The following ANKS1A variants were observed in gnomAD, a reference collection of about 807,000 sequenced individuals.
ANKS1A encodes the protein ankyrin repeat and sterile alpha motif domain containing 1A.
Under a neutral mutation model 120.3 loss-of-function variants are expected in ANKS1A, and 55 were observed. That is an observed-to-expected ratio of 0.46 (90% CI 0.37 to 0.57). ANKS1A has a LOEUF of 0.57. Among genes scored for constraint, ANKS1A ranks in the 20% least tolerant of loss-of-function variants. The pLI is 0.00. For missense variants in ANKS1A, 1,123 were observed against 1,480.3 expected (o/e 0.76, Z 3.96); for synonymous variants, 590 against 604.7 (o/e 0.98, Z 0.36).
chr6:35,039,735 A>G (rs1775362544), intron 11 of ANKS1A: 1 of 418,084 alleles, frequency 2.4e-6, no homozygotes, highest in South Asian at 1.7e-5. Flanking sequence ...GAGAAAGGTC[A>G]TTTTTCCCAG....
At chr6:34,950,207 G>GT (rs1770003607) in intron 1 of ANKS1A, among the ~76,000 whole-genome samples, 1 of 145,598 alleles carries the variant, frequency 6.9e-6, no homozygotes, top group Non-Finnish European at 1.5e-5. Context: ...TAAGGAAGAG[G>GT]TTTTTCTTTT....
intron 1 of ANKS1A, among the ~76,000 whole-genome samples, chr6:34,905,300 A>G (rs1243245083): frequency 2.6e-5 from 4 of 152,188 alleles, no homozygotes; most frequent in African/African-American, 7.2e-5. Context: ...TTTGTCCTCA[A>G]TGGGGCCAGC....
rs72898264 is a variant in ANKS1A, at chr6:35,084,890, G to A, written c.3132+632G>A. Among the ~76,000 whole-genome samples, 4,303 of 152,250 alleles carry A rather than the reference G, an allele frequency of 0.028. 123 individuals carry two copies. Among genetic ancestry groups the A allele is most frequent in the Non-Finnish European group, 0.045 (3,070 of 68,008 alleles). ...AGACCAGAACTGACAGCCCACAGGC[G>A]GGGGTTCCCTCTAACCTGCAACAAA... On this transcript the variant is annotated intron_variant, in intron 21 of 23. Coordinates refer to ENST00000360359, the MANE Select transcript of ANKS1A (RefSeq NM_015245.3). This position sits in a 1 kb window ranked among gnomAD's most constrained non-coding sequence, Gnocchi z 4.8.
chr6:35,083,026 G>A (rs368323132), intron 18 of ANKS1A, 129 bp from the exon 19 acceptor site: 2 of 1,291,166 alleles, frequency 1.5e-6, no homozygotes, highest in Non-Finnish European at 1.1e-6. Context: ...CTCTCCAGCT[G>A]GGGCAGGAGA....
At chr6:34,927,212 C>G (rs1171289205) in intron 1 of ANKS1A, among the ~76,000 whole-genome samples, 1 of 151,528 alleles carries the variant, frequency 6.6e-6, no homozygotes, top group Non-Finnish European at 1.5e-5. Context: ...GATGTGTGGT[C>G]AGGAGAGGCT....
intron 9 of ANKS1A, among the ~76,000 whole-genome samples, chr6:34,991,924 C>T (rs1344750813): frequency 6.6e-6 from 1 of 150,572 alleles, no homozygotes; most frequent in Non-Finnish European, 1.5e-5. Flanking sequence ...CAGTTATTGC[C>T]GTATTGACTA....
rs138817268 is a variant in ANKS1A at position 35,029,482 on chromosome 6, G to A, written c.2010+11423G>A. On this transcript the variant is annotated intron_variant, in intron 11 of 23. Transcript: ENST00000360359. ...TCCTGCCTCAGCCTCCTGAGTAGCT[G>A]GGATTACAGGCACCTGCCACCACGC... Among the ~76,000 whole-genome samples the A allele has an allele frequency of 3.4e-4, 51 of 150,992 alleles. No individual in the cohort carries two copies. In the East Asian group the frequency reaches 9.3e-3, roughly 28 times the overall value.
At chr6:35,004,609 T>C (rs1414260359) in intron 10 of ANKS1A, among the ~76,000 whole-genome samples, 1 of 152,162 alleles carries the variant, frequency 6.6e-6, no homozygotes. Flanking sequence ...TCATAGTTGC[T>C]AGAGGTGATC....
chr6:34,936,984 C>CT (rs1419224434), intron 1 of ANKS1A, among the ~76,000 whole-genome samples: 1 of 152,144 alleles, frequency 6.6e-6, no homozygotes, highest in Non-Finnish European at 1.5e-5. Context: ...TCTCAAGAGG[C>CT]TTAGAGTCTA....
At chr6:34,950,015 C>T (rs557313226) in intron 1 of ANKS1A, among the ~76,000 whole-genome samples, 1 of 152,186 alleles carries the variant, frequency 6.6e-6, no homozygotes, top group Non-Finnish European at 1.5e-5. Flanking sequence ...TGGACTAGAT[C>T]TGGCTTCACT....
intron 8 of ANKS1A, among the ~76,000 whole-genome samples, chr6:34,988,686 G>T (rs1214567340): frequency 6.6e-6 from 1 of 152,192 alleles, no homozygotes; most frequent in African/African-American, 2.4e-5. Flanking sequence ...AAGAGAACAG[G>T]TTGAGCTTTT....
rs755616450 is a variant in ANKS1A, at chr6:35,086,973, C to A, written c.3325C>A (p.Gln1109Lys). Reference protein sequence around the residue: ...KSALEPPDMDQDAQSHASVSW... With the variant: ...KSALEPPDMDKDAQSHASVSW... ...GCAGCTGGAACCACCTGATATGGAC[C>A]AAGATGCCCAATCCCATGCCAGTGT... is the stretch of plus-strand genomic sequence containing the variant. Residue 1109 changes from glutamine to lysine, a missense_variant, in exon 23 of 24, where the codon CAA becomes AAA. Gln to Lys is a moderately conservative substitution (Grantham distance 53, BLOSUM62 1). Around this residue, in one of 3 missense-constraint regions of ANKS1A, gnomAD observed 904 missense variants for 1,130.4 expected, o/e 0.80. Transcript: ENST00000360359. The surrounding 1 kb of genome is among the most constrained non-coding windows in gnomAD (Gnocchi z 5.1). 8.1e-6 allele frequency: 13 copies of A among 1,614,162 alleles called. No homozygotes were observed. Among genetic ancestry groups the A allele is most frequent in the Non-Finnish European group, 1.0e-5 (12 of 1,179,996 alleles).
At chr6:34,904,935 T>C (rs1227171900) in intron 1 of ANKS1A, among the ~76,000 whole-genome samples, 1 of 152,158 alleles carries the variant, frequency 6.6e-6, no homozygotes, top group African/African-American at 2.4e-5. Flanking sequence ...CTCCGCCTCC[T>C]GAGTAGCTGG....
intron 1 of ANKS1A, among the ~76,000 whole-genome samples, chr6:34,942,188 ACTT>A (rs1209672946): frequency 6.6e-6 from 1 of 152,202 alleles, no homozygotes; most frequent in Non-Finnish European, 1.5e-5. Flanking sequence ...CAATTAAACT[ACTT>A]GTTTCTTTTG....
chr6:34,975,263 G>A (rs1432380315), intron 3 of ANKS1A, among the ~76,000 whole-genome samples: 1 of 151,880 alleles, frequency 6.6e-6, no homozygotes, highest in African/African-American at 2.4e-5. Context: ...AGACCAGCCT[G>A]GCCAACATGG....
At chr6:34,914,028 C>T (rs1389029121) in intron 1 of ANKS1A, among the ~76,000 whole-genome samples, 2 of 152,162 alleles carry the variant, frequency 1.3e-5, no homozygotes, top group Non-Finnish European at 2.9e-5. Context: ...TGTCATTCTC[C>T]CGCCTCAGCC....
intron 11 of ANKS1A, among the ~76,000 whole-genome samples, chr6:35,053,051 G>T (rs1429230954): frequency 6.6e-6 from 1 of 152,322 alleles, no homozygotes; most frequent in Non-Finnish European, 1.5e-5. Context: ...TCTGCTGGGT[G>T]TCAGATGCAC....
chr6:34,959,497 A>T (rs1295327441), intron 1 of ANKS1A, among the ~76,000 whole-genome samples: 1 of 152,228 alleles, frequency 6.6e-6, no homozygotes, highest in East Asian at 1.9e-4. Flanking sequence ...AATATATGGT[A>T]TGAATAAGCA....
At chr6:34,987,647 C>T (rs1300778075) in intron 8 of ANKS1A, among the ~76,000 whole-genome samples, 1 of 152,176 alleles carries the variant, frequency 6.6e-6, no homozygotes, top group Non-Finnish European at 1.5e-5. Flanking sequence ...CATCTGGTTC[C>T]AGGGTCTATG....
Sources: allele counts gnomAD v4.1 joint callset (sites outside exome capture counted in the v4.1 genomes callset), GRCh38; gene constraint gnomAD v4.1.1; regional missense constraint gnomAD v4.1.1; non-coding constraint Gnocchi (gnomAD v3.1); transcripts MANE v1.5; gene names NCBI Gene and HGNC (gene_info 2026-07-23, HGNC 2026-07-21).